Variants in RPS6KC1 observed in about 807,000 individuals in gnomAD.
RPS6KC1 encodes ribosomal protein S6 kinase C1, also known as inactive ribosomal protein S6 kinase delta-1.
RPS6KC1 carries 54 observed loss-of-function variants against 103.8 expected under a neutral mutation model. The ratio of observed to expected loss-of-function variants is 0.52; its 90% confidence interval spans 0.42 to 0.65. The LOEUF is 0.65. RPS6KC1 is among the 30% of genes least tolerant of loss of function. The pLI, the probability that RPS6KC1 is intolerant of heterozygous loss-of-function variation, is 0.00. For synonymous variants in RPS6KC1, 439 were observed against 438.7 expected (o/e 1.00, Z -0.01); for missense variants, 1,151 against 1,253.8 (o/e 0.92, Z 1.24).
chr1:213,707,075 T>G, the RPS6KC1 span, among the ~76,000 whole-genome samples: 2 of 152,190 alleles, frequency 1.3e-5, no homozygotes, highest in African/African-American at 4.8e-5. Context: ...GTAATGGGAT[T>G]GCTGGGTCAA....
the RPS6KC1 span, among the ~76,000 whole-genome samples, chr1:213,356,083 G>C: frequency 2.0e-5 from 3 of 152,192 alleles, no homozygotes; most frequent in African/African-American, 4.8e-5. Flanking sequence ...AGGAGCTGGG[G>C]ATAGAACTCC....
At chr1:213,383,926 G>T in the RPS6KC1 span, among the ~76,000 whole-genome samples, 8 of 152,134 alleles carry the variant, frequency 5.3e-5, no homozygotes, top group African/African-American at 1.9e-4. Flanking sequence ...AAGCTGCCCA[G>T]TCTATGGTAT....
intron 8 of RPS6KC1, among the ~76,000 whole-genome samples, chr1:213,219,555 C>CACACGT (rs2093768027): frequency 6.6e-6 from 1 of 152,140 alleles, no homozygotes; most frequent in South Asian, 2.1e-4. Context: ...AAGACACATG[C>CACACGT]ACACGTATGT....
the RPS6KC1 span, among the ~76,000 whole-genome samples, chr1:213,584,064 A>G: frequency 3.3e-5 from 5 of 152,034 alleles, no homozygotes; most frequent in African/African-American, 1.2e-4. Context: ...TTTCCCCCAT[A>G]CTATTCTCAT....
At chr1:213,740,663 A>ACACATATATACATCTCAGATATATG in the RPS6KC1 span, among the ~76,000 whole-genome samples, 2 of 134,328 alleles carry the variant, frequency 1.5e-5, no homozygotes, top group African/African-American at 5.6e-5. Flanking sequence ...TCAGATATAT[A>ACACATATATACATCTCAGATATATG]TACACATATA....
the RPS6KC1 span, among the ~76,000 whole-genome samples, chr1:213,493,610 A>G: frequency 6.6e-6 from 1 of 152,212 alleles, no homozygotes. Context: ...CTGGAGCTTA[A>G]CTGTATATAA....
intron 8 of RPS6KC1, among the ~76,000 whole-genome samples, chr1:213,199,737 C>G (rs2093085145): frequency 6.6e-6 from 1 of 152,108 alleles, no homozygotes; most frequent in Non-Finnish European, 1.5e-5. Flanking sequence ...CTAGAAAACC[C>G]CATAGTCTCA....
At chr1:213,411,825 G>T in the RPS6KC1 span, among the ~76,000 whole-genome samples, 2 of 152,172 alleles carry the variant, frequency 1.3e-5, no homozygotes, top group Non-Finnish European at 2.9e-5. Context: ...CAGTGCTTCA[G>T]AGAAGCCAGG....
At chr1:213,746,668 G>C in the RPS6KC1 span, among the ~76,000 whole-genome samples, 1 of 152,144 alleles carries the variant, frequency 6.6e-6, no homozygotes, top group African/African-American at 2.4e-5. Flanking sequence ...CAAGGGTAGA[G>C]CAAGGAGGTG....
intron 8 of RPS6KC1, among the ~76,000 whole-genome samples, chr1:213,198,185 A>T (rs551072111): frequency 6.6e-6 from 1 of 152,294 alleles, no homozygotes; most frequent in South Asian, 2.1e-4. Context: ...TCTGAAAAAT[A>T]CTTTATCTCT....
the RPS6KC1 span, among the ~76,000 whole-genome samples, chr1:213,732,288 G>A: frequency 1.3e-5 from 2 of 152,070 alleles, no homozygotes; most frequent in African/African-American, 4.8e-5. Flanking sequence ...GTGAGTCAAA[G>A]TGTGGCTTTA....
chr1:213,315,075 A>G, the RPS6KC1 span, among the ~76,000 whole-genome samples: 124 of 152,330 alleles, frequency 8.1e-4, 1 homozygote, highest in African/African-American at 3.0e-3. Context: ...GCTTTCATTC[A>G]CAATGATTTT....
the RPS6KC1 span, among the ~76,000 whole-genome samples, chr1:213,786,830 A>G: frequency 6.6e-6 from 1 of 152,184 alleles, no homozygotes; most frequent in Non-Finnish European, 1.5e-5. Flanking sequence ...AGTGATTTGA[A>G]TTCTCATGGA....
At chr1:213,100,101 G>C (rs1019089644) in intron 3 of RPS6KC1, among the ~76,000 whole-genome samples, 1 of 152,138 alleles carries the variant, frequency 6.6e-6, no homozygotes, top group Non-Finnish European at 1.5e-5. Flanking sequence ...ATTTCTGGCT[G>C]CTTCACACTC....
At chr1:213,712,696 C>A in the RPS6KC1 span, among the ~76,000 whole-genome samples, 2 of 152,176 alleles carry the variant, frequency 1.3e-5, no homozygotes, top group Admixed American at 6.5e-5. Flanking sequence ...GTGGGAAAAG[C>A]ATAGTATCTG....
the RPS6KC1 span, among the ~76,000 whole-genome samples, chr1:213,852,659 G>C: frequency 6.6e-6 from 1 of 152,000 alleles, no homozygotes; most frequent in Non-Finnish European, 1.5e-5. Context: ...CCATTTTTAA[G>C]CACTCTGTTA....
chr1:213,373,384 G>A, the RPS6KC1 span, among the ~76,000 whole-genome samples: 1 of 152,204 alleles, frequency 6.6e-6, no homozygotes, highest in South Asian at 2.1e-4. Context: ...AGTACGGCAC[G>A]ATGCATTTGG....
chr1:213,200,301 A>C (rs1342861233), intron 8 of RPS6KC1, among the ~76,000 whole-genome samples: 2 of 151,836 alleles, frequency 1.3e-5, no homozygotes, highest in Admixed American at 6.6e-5. Context: ...AGACCAATGG[A>C]ACAGAATAGA....
At chr1:213,121,115 G>T (rs1355005197) in intron 5 of RPS6KC1, among the ~76,000 whole-genome samples, 1 of 152,088 alleles carries the variant, frequency 6.6e-6, no homozygotes. Context: ...TAAATTTTTT[G>T]TAGAAATGGG....
Sources: allele counts gnomAD v4.1 joint callset (sites outside exome capture counted in the v4.1 genomes callset), GRCh38; gene constraint gnomAD v4.1.1; transcripts MANE v1.5; gene names NCBI Gene and HGNC (gene_info 2026-07-23, HGNC 2026-07-21).